The following RGS6 variants were observed in gnomAD, a reference collection of about 807,000 sequenced individuals.
RGS6 encodes regulator of G-protein signaling 6.
In RGS6, 30 loss-of-function variants were observed where a neutral mutation model predicts 78.5. The ratio of observed to expected loss-of-function variants is 0.38; its 90% CI spans 0.29 to 0.52. The LOEUF (loss-of-function observed/expected upper bound fraction) is 0.52. RGS6 is among the 20% of genes least tolerant of loss of function. The pLI is 0.85. For synonymous variants in RGS6, 206 were observed against 206.0 expected (o/e 1.00, Z 0.00); for missense variants, 495 against 609.7 (o/e 0.81, Z 1.98).
intron 17 of RGS6, among the ~76,000 whole-genome samples, chr14:72,557,059 G>A (rs1020177423): frequency 2.6e-5 from 4 of 152,312 alleles, no homozygotes; most frequent in South Asian, 2.1e-4. Flanking sequence ...TCCTCACTGC[G>A]GAAGGGTGAG....
chr14:72,025,968 C>A (rs981291178), intron 2 of RGS6, among the ~76,000 whole-genome samples: 2 of 152,144 alleles, frequency 1.3e-5, no homozygotes, highest in Non-Finnish European at 2.9e-5. Flanking sequence ...AACAATTATT[C>A]ATTCAATAAT....
intron 2 of RGS6, among the ~76,000 whole-genome samples, chr14:72,158,620 T>A (rs2096806632): frequency 6.6e-6 from 1 of 152,210 alleles, no homozygotes; most frequent in Non-Finnish European, 1.5e-5. Context: ...TGGTACCTGT[T>A]ATATCATCAC....
intron 2 of RGS6, among the ~76,000 whole-genome samples, chr14:72,150,905 G>C (rs2096675783): frequency 6.6e-6 from 1 of 152,188 alleles, no homozygotes; most frequent in African/African-American, 2.4e-5. Flanking sequence ...TGGTTTGCCA[G>C]ATGCCAAACA....
chr14:72,161,343 C>A (rs759149074), intron 2 of RGS6, among the ~76,000 whole-genome samples: 3 of 152,034 alleles, frequency 2.0e-5, no homozygotes, highest in Non-Finnish European at 4.4e-5. Flanking sequence ...ATGTAAGAAA[C>A]CTGCATGTTC....
chr14:71,941,015 G>C (rs1213669692), intron 1 of RGS6, among the ~76,000 whole-genome samples: 1 of 148,918 alleles, frequency 6.7e-6, no homozygotes, highest in Non-Finnish European at 1.5e-5. Flanking sequence ...CTTTCTCTAG[G>C]AGATAAGACT....
intron 2 of RGS6, among the ~76,000 whole-genome samples, chr14:72,036,956 T>C (rs1386923351): frequency 4.6e-5 from 7 of 152,150 alleles, no homozygotes; most frequent in Admixed American, 1.3e-4. Flanking sequence ...TATTGAGAGG[T>C]GTAGCCAGCT....
At chr14:72,412,353 T>C (rs2093482163) in intron 3 of RGS6, among the ~76,000 whole-genome samples, 1 of 152,234 alleles carries the variant, frequency 6.6e-6, no homozygotes, top group Admixed American at 6.5e-5. Flanking sequence ...TTTATTTGCA[T>C]AGAGGCGTTT....
At chr14:71,927,639 G>T (rs190804680), upstream of RGS6, among the ~76,000 whole-genome samples, 1 of 152,028 alleles carries the variant, frequency 6.6e-6, no homozygotes, top group African/African-American at 2.4e-5. Context: ...GGTCTGAGAT[G>T]AAGTTCAAGA....
the RGS6 span, among the ~76,000 whole-genome samples, chr14:71,901,397 G>T: frequency 1.3e-5 from 2 of 152,088 alleles, no homozygotes; most frequent in African/African-American, 4.8e-5. Flanking sequence ...ATACAATGCT[G>T]GTACATGGCA....
At chr14:72,233,397 C>T (rs1438519451) in intron 2 of RGS6, among the ~76,000 whole-genome samples, 1 of 152,122 alleles carries the variant, frequency 6.6e-6, no homozygotes, top group Non-Finnish European at 1.5e-5. Flanking sequence ...TTACCTCCAT[C>T]GGGACACAGT....
the RGS6 span, among the ~76,000 whole-genome samples, chr14:71,868,365 A>G: frequency 6.6e-6 from 1 of 152,190 alleles, no homozygotes; most frequent in Non-Finnish European, 1.5e-5. Flanking sequence ...TCTTTAAGGA[A>G]TTTCACTCTT....
At chr14:72,285,927 A>T (rs1440066780) in intron 2 of RGS6, among the ~76,000 whole-genome samples, 2 of 152,174 alleles carry the variant, frequency 1.3e-5, no homozygotes, top group Non-Finnish European at 2.9e-5. Context: ...CTTGTCAGAT[A>T]TGTGGTTTGT....
chr14:72,458,809 C>T (rs1399522736), intron 5 of RGS6, among the ~76,000 whole-genome samples: 1 of 152,164 alleles, frequency 6.6e-6, no homozygotes, highest in Non-Finnish European at 1.5e-5. Flanking sequence ...GGGCTTATAT[C>T]AGACCTCTTT....
At chr14:72,571,814 T>C in the RGS6 span, among the ~76,000 whole-genome samples, 1 of 152,098 alleles carries the variant, frequency 6.6e-6, no homozygotes, top group Non-Finnish European at 1.5e-5. Flanking sequence ...ATAGACAAAT[T>C]GAACTTTAAC....
At chr14:71,963,446 A>G (rs1017623646) in intron 1 of RGS6, among the ~76,000 whole-genome samples, 3 of 152,228 alleles carry the variant, frequency 2.0e-5, no homozygotes, top group Admixed American at 1.3e-4. Flanking sequence ...ACAGTGTTCT[A>G]CAGCCATCAC....
chr14:72,482,971 G>A (rs2153376378), intron 12 of RGS6, among the ~76,000 whole-genome samples: 1 of 152,230 alleles, frequency 6.6e-6, no homozygotes, highest in African/African-American at 2.4e-5. Context: ...GAACCTTGAG[G>A]CATGGTGTTT....
intron 3 of RGS6, among the ~76,000 whole-genome samples, chr14:72,415,838 A>G (rs560691703): frequency 1.3e-5 from 2 of 152,340 alleles, no homozygotes; most frequent in South Asian, 2.1e-4. Context: ...GTACACTTGT[A>G]TAAGAACTAA....
At chr14:72,329,859 C>T (rs1054283407) in intron 2 of RGS6, among the ~76,000 whole-genome samples, 1 of 152,136 alleles carries the variant, frequency 6.6e-6, no homozygotes, top group African/African-American at 2.4e-5. Flanking sequence ...CTGAGAACTG[C>T]CGGGAGACAT....
At chr14:72,518,755 G>A (rs958476891) in intron 15 of RGS6, among the ~76,000 whole-genome samples, 5 of 152,200 alleles carry the variant, frequency 3.3e-5, no homozygotes, top group Non-Finnish European at 7.3e-5. Flanking sequence ...AAAATGTGCA[G>A]TTATATGCTT....
Sources: gnomAD v4.1 joint callset for allele counts (sites outside exome capture counted in the v4.1 genomes callset) on GRCh38, gnomAD v4.1.1 for gene constraint, MANE v1.5 for transcripts, NCBI Gene and HGNC (gene_info 2026-07-23, HGNC 2026-07-21) for gene names.